The following HTR4 variants were observed in gnomAD, a reference collection of about 807,000 sequenced individuals.
HTR4 encodes 5-hydroxytryptamine receptor 4.
HTR4 carries 16 observed loss-of-function variants against 36.8 expected under a neutral mutation model. The observed-to-expected ratio is 0.43, with a 90% CI of 0.29 to 0.66. HTR4 has a LOEUF of 0.66. HTR4 is among the 30% of genes least tolerant of loss of function. The probability of loss-of-function intolerance (pLI) is 0.13; values close to 1 mark genes in which losing one functional copy is unlikely to be tolerated. For synonymous variants in HTR4, 189 were observed against 185.1 expected (o/e 1.02, Z -0.17); for missense variants, 438 against 490.9 (o/e 0.89, Z 1.02).
At chr5:148,572,381 G>C (rs929072918) in intron 2 of HTR4, among the ~76,000 whole-genome samples, 1 of 152,152 alleles carries the variant, frequency 6.6e-6, no homozygotes, top group African/African-American at 2.4e-5. Context: ...ATGTGCCCAA[G>C]GTCACATGGC....
intron 4 of HTR4, among the ~76,000 whole-genome samples, chr5:148,527,256 A>G (rs1044351072): frequency 1.3e-5 from 2 of 152,220 alleles, no homozygotes; most frequent in African/African-American, 4.8e-5. Context: ...ACCTGAGAAG[A>G]TTCTTTGATT....
At chr5:148,496,515 C>T (rs1756692266) in intron 6 of HTR4, among the ~76,000 whole-genome samples, 1 of 152,070 alleles carries the variant, frequency 6.6e-6, no homozygotes, top group Non-Finnish European at 1.5e-5. Flanking sequence ...CAGAAAGAAC[C>T]TATGGCCAAA....
intron 1 of HTR4, chr5:148,645,875 C>G (rs1581583882): frequency 6.6e-6 from 1 of 152,196 alleles, no homozygotes; most frequent in Non-Finnish European, 1.5e-5. Flanking sequence ...AGAAATTATT[C>G]CTCTTCTCTA....
chr5:148,582,461 A>C (rs769137894), intron 2 of HTR4, among the ~76,000 whole-genome samples: 18 of 151,616 alleles, frequency 1.2e-4, no homozygotes, highest in Non-Finnish European at 2.2e-4. Context: ...TCCCCCCTTC[A>C]TCCCTCCCTC....
intron 6 of HTR4, among the ~76,000 whole-genome samples, chr5:148,489,137 C>T (rs569451797): frequency 1.5e-4 from 23 of 152,210 alleles, no homozygotes; most frequent in Middle Eastern, 3.4e-3. Flanking sequence ...CTTAAAAGTA[C>T]GTTTTAAACA....
At chr5:148,589,792 T>C (rs964104529) in intron 2 of HTR4, among the ~76,000 whole-genome samples, 1 of 152,112 alleles carries the variant, frequency 6.6e-6, no homozygotes, top group African/African-American at 2.4e-5. Flanking sequence ...TACACATTTT[T>C]AAAAAATTAA....
At chr5:148,626,081 T>C (rs1753092706) in intron 2 of HTR4, among the ~76,000 whole-genome samples, 1 of 152,192 alleles carries the variant, frequency 6.6e-6, no homozygotes, top group Non-Finnish European at 1.5e-5. Flanking sequence ...GGTTGGCTGA[T>C]ATGCCCCACC....
Position 148,520,838 on chromosome 5 carries a change from A to C in HTR4, c.507+2355T>G, listed in dbSNP as rs565119679. 6.0e-6 allele frequency: 8 copies of C among 1,340,550 alleles called. No individual in the cohort carries two copies. In the African/African-American group the frequency reaches 1.2e-4, roughly 20 times the overall value. 83.0% of individuals were successfully genotyped at this position (1,340,550 alleles called of 1,614,324 possible). On this transcript the variant is annotated intron_variant, in intron 5 of 6. Coordinates refer to ENST00000377888, the MANE Select transcript of HTR4 (RefSeq NM_000870.7). ...AAATAAATTGGATAGGATTCAAAAA[A>C]TGTCCATGCAGTTACACTTCTAATT...
At chr5:148,547,682 C>T (rs1207992797) in intron 4 of HTR4, among the ~76,000 whole-genome samples, 1 of 151,992 alleles carries the variant, frequency 6.6e-6, no homozygotes, top group Non-Finnish European at 1.5e-5. Flanking sequence ...AACTTGAGCA[C>T]AGTAGCTCGA....
chr5:148,607,668 T>G (rs1440252512), intron 2 of HTR4, among the ~76,000 whole-genome samples: 1 of 152,110 alleles, frequency 6.6e-6, no homozygotes, highest in Non-Finnish European at 1.5e-5. Context: ...CTGACCACAG[T>G]AATTAGTTCA....
rs898057034 is a variant in HTR4, at chr5:148,482,003, C to T, written c.*1200G>A. On this transcript the variant is annotated 3_prime_UTR_variant, in exon 7 of 7. Coordinates refer to ENST00000377888, the MANE Select transcript of HTR4 (RefSeq NM_000870.7). ...TGTTGTCTTAGAAACAGAAAGAAAA[C>T]TTAAAGGTCCTCTAGTCCAAGCTTG... 3 of 1,001,820 alleles carry T rather than the reference C, an allele frequency of 3.0e-6. No homozygotes were observed. The African/African-American group carries it at 5.2e-5, about 17-fold the overall frequency. 62.1% of individuals were successfully genotyped at this position (1,001,820 alleles called of 1,614,324 possible).
chr5:148,473,581 C>CTGT (rs1290162398), downstream of HTR4, among the ~76,000 whole-genome samples: 1 of 152,148 alleles, frequency 6.6e-6, no homozygotes, highest in Non-Finnish European at 1.5e-5. Flanking sequence ...GCCTGGCTTT[C>CTGT]TGTTTTTTGT....
At chr5:148,483,881 C>A (rs1371429479) in intron 6 of HTR4, among the ~76,000 whole-genome samples, 1 of 152,004 alleles carries the variant, frequency 6.6e-6, no homozygotes, top group Non-Finnish European at 1.5e-5. Context: ...GTTTTTGATA[C>A]AACAACTGTC....
intron 6 of HTR4, among the ~76,000 whole-genome samples, chr5:148,487,210 C>T (rs142029676): frequency 7.2e-5 from 11 of 152,156 alleles, no homozygotes; most frequent in Admixed American, 3.3e-4. Flanking sequence ...ATGGATTGAT[C>T]GATGGGTAAT....
At chr5:148,589,295 G>T (rs80307942) in intron 2 of HTR4, among the ~76,000 whole-genome samples, 57 of 152,252 alleles carry the variant, frequency 3.7e-4, no homozygotes, top group Non-Finnish European at 7.6e-4. Context: ...AAATTCTGCC[G>T]AATTGCTCTT....
chr5:148,590,801 T>G (rs1439516436), intron 2 of HTR4, among the ~76,000 whole-genome samples: 1 of 149,302 alleles, frequency 6.7e-6, no homozygotes, highest in Non-Finnish European at 1.5e-5. Flanking sequence ...TGTGTATAGT[T>G]TTTTTTTTTC....
chr5:148,541,165 C>T (rs1305155079), intron 4 of HTR4, among the ~76,000 whole-genome samples: 1 of 152,128 alleles, frequency 6.6e-6, no homozygotes, highest in African/African-American at 2.4e-5. Context: ...GTCACTTCTC[C>T]AAGATCACAC....
At chr5:148,588,008 T>G (rs1039987598) in intron 2 of HTR4, among the ~76,000 whole-genome samples, 1 of 152,126 alleles carries the variant, frequency 6.6e-6, no homozygotes, top group African/African-American at 2.4e-5. Flanking sequence ...ACCCTGCTAC[T>G]AGATTTGTAG....
chr5:148,618,910 A>G (rs1039699432), intron 2 of HTR4, among the ~76,000 whole-genome samples: 1 of 152,218 alleles, frequency 6.6e-6, no homozygotes, highest in Non-Finnish European at 1.5e-5. Flanking sequence ...ATTGTGACAC[A>G]TACAGCCGAT....
Sources: gnomAD v4.1 joint callset for allele counts (sites outside exome capture counted in the v4.1 genomes callset) on GRCh38, gnomAD v4.1.1 for gene constraint, MANE v1.5 for transcripts, NCBI Gene and HGNC (gene_info 2026-07-23, HGNC 2026-07-21) for gene names.